BLTP3B: variants seen among roughly 807,000 people sequenced by gnomAD.
BLTP3B encodes bridge-like lipid transfer protein family member 3B, also known as UHRF1 (ICBP90) binding protein 1-like.
the BLTP3B span, chr12:100,095,689 C>T: frequency 6.2e-7 from 1 of 1,612,814 alleles, no homozygotes; most frequent in Non-Finnish European, 8.5e-7. Context: ...AGGAGCCATA[C>T]TCTTCCTTTG....
chr12:100,046,186 G>A, the BLTP3B span, among the ~76,000 whole-genome samples: 36 of 152,130 alleles, frequency 2.4e-4, no homozygotes, highest in Non-Finnish European at 3.4e-4. Context: ...CAAGGATCTA[G>A]AACTAGAATT....
chr12:100,047,599 C>A, the BLTP3B span: 1 of 1,613,504 alleles, frequency 6.2e-7, no homozygotes, highest in South Asian at 1.1e-5. Context: ...GTTACAGGAG[C>A]TGGTTCAAGG....
chr12:100,037,478 C>A, the BLTP3B span: 8 of 1,455,364 alleles, frequency 5.5e-6, no homozygotes, highest in Non-Finnish European at 7.2e-6. Context: ...CTAATACTTT[C>A]TAAACTGGCT....
chr12:100,127,774 A>C, the BLTP3B span, among the ~76,000 whole-genome samples: 1 of 152,128 alleles, frequency 6.6e-6, no homozygotes, highest in Admixed American at 6.6e-5. Context: ...GCACTTTGGG[A>C]GGCCTAGGTG....
chr12:100,085,672 T>G, the BLTP3B span, among the ~76,000 whole-genome samples: 1 of 152,146 alleles, frequency 6.6e-6, no homozygotes, highest in Non-Finnish European at 1.5e-5. Flanking sequence ...TCTAGTTTGG[T>G]TTTTCTCACT....
At chr12:100,131,322 A>T in the BLTP3B span, among the ~76,000 whole-genome samples, 1 of 151,252 alleles carries the variant, frequency 6.6e-6, no homozygotes, top group Non-Finnish European at 1.5e-5. Flanking sequence ...AAAAAAAAAA[A>T]AATTAATTAA....
the BLTP3B span, chr12:100,048,271 T>C: frequency 2.1e-6 from 3 of 1,443,202 alleles, no homozygotes; most frequent in African/African-American, 4.3e-5. Context: ...TGTAGTACAT[T>C]AAAATAATAC....
chr12:100,073,865 T>C, the BLTP3B span, among the ~76,000 whole-genome samples: 1 of 152,092 alleles, frequency 6.6e-6, no homozygotes, highest in Non-Finnish European at 1.5e-5. Context: ...CAAAGAAACA[T>C]ACCTCAAAAC....
the BLTP3B span, among the ~76,000 whole-genome samples, chr12:100,062,014 T>C: frequency 1.8e-4 from 27 of 152,132 alleles, no homozygotes; most frequent in African/African-American, 5.1e-4. Flanking sequence ...TTATGACTCA[T>C]ATTCTTATAA....
chr12:100,052,791 T>TTTTTC, the BLTP3B span, among the ~76,000 whole-genome samples: 1 of 69,728 alleles, frequency 1.4e-5, no homozygotes, highest in Non-Finnish European at 2.6e-5. Context: ...TTCTTTTCTG[T>TTTTTC]TTTTTTTTTT....
At chr12:100,130,929 C>CATACATACATAT in the BLTP3B span, among the ~76,000 whole-genome samples, 1 of 127,588 alleles carries the variant, frequency 7.8e-6, no homozygotes, top group African/African-American at 3.7e-5. Context: ...AAAATACATA[C>CATACATACATAT]ATACATACAT....
chr12:100,059,755 C>A, the BLTP3B span: 4 of 1,314,390 alleles, frequency 3.0e-6, no homozygotes, highest in East Asian at 9.9e-5. Context: ...AAAAACATAA[C>A]ATGAATTAAT....
the BLTP3B span, among the ~76,000 whole-genome samples, chr12:100,106,959 A>G: frequency 6.6e-6 from 1 of 152,218 alleles, no homozygotes; most frequent in African/African-American, 2.4e-5. Flanking sequence ...CATCTTTAAG[A>G]CCAAGAAGTG....
the BLTP3B span, among the ~76,000 whole-genome samples, chr12:100,140,853 T>A: frequency 2.0e-5 from 3 of 150,680 alleles, no homozygotes; most frequent in South Asian, 4.2e-4. Context: ...TAATTTTTTT[T>A]ATTATACTTT....
the BLTP3B span, among the ~76,000 whole-genome samples, chr12:100,053,045 G>C: frequency 1.3e-5 from 2 of 151,412 alleles, no homozygotes; most frequent in East Asian, 4.0e-4. Context: ...CACCCGCCTC[G>C]GCCTCCCAAA....
At chr12:100,055,018 C>T in the BLTP3B span, among the ~76,000 whole-genome samples, 1 of 152,094 alleles carries the variant, frequency 6.6e-6, no homozygotes, top group Admixed American at 6.5e-5. Context: ...TAAATGTTTG[C>T]TATTGTTGTT....
the BLTP3B span, among the ~76,000 whole-genome samples, chr12:100,124,934 TTTTATATATATATATATATATA>T: frequency 3.6e-3 from 133 of 36,986 alleles, 1 homozygote; most frequent in Non-Finnish European, 6.1e-3. Context: ...AAAAAAAAAA[TTTTATATATATATATATATATA>T]TATATATATA....
At chr12:100,088,948 G>A in the BLTP3B span, 1 of 1,607,512 alleles carries the variant, frequency 6.2e-7, no homozygotes, top group South Asian at 1.1e-5. Flanking sequence ...TCACATATGT[G>A]TAGATCTAGA....
chr12:100,087,188 TA>T, the BLTP3B span, among the ~76,000 whole-genome samples: 1 of 143,560 alleles, frequency 7.0e-6, no homozygotes, highest in African/African-American at 2.6e-5. Context: ...AAAGGGAAAT[TA>T]TTAAAAGTCT....
Sources: gnomAD v4.1 joint callset for allele counts (sites outside exome capture counted in the v4.1 genomes callset) on GRCh38, gnomAD v4.1.1 for gene constraint, MANE v1.5 for transcripts, NCBI Gene and HGNC (gene_info 2026-07-23, HGNC 2026-07-21) for gene names.